The following CD86 variants were observed in gnomAD, a reference collection of about 807,000 sequenced individuals.
CD86 encodes T-lymphocyte activation antigen CD86.
CD86 carries 11 observed loss-of-function variants against 32.1 expected under a neutral mutation model. The ratio of observed to expected loss-of-function variants is 0.34; its 90% confidence interval spans 0.22 to 0.57. CD86 has a LOEUF of 0.57. Ranked by LOEUF, CD86 falls within the 20% of genes least tolerant of loss-of-function variation. The probability of loss-of-function intolerance (pLI) is 0.86; values close to 1 mark genes in which losing one functional copy is unlikely to be tolerated. For synonymous variants in CD86, 137 were observed against 135.3 expected (o/e 1.01, Z -0.09); for missense variants, 359 against 398.4 (o/e 0.90, Z 0.84).
intron 5 of CD86, among the ~76,000 whole-genome samples, chr3:122,112,649 T>C (rs2073192988): frequency 6.6e-6 from 1 of 152,242 alleles, no homozygotes; most frequent in Non-Finnish European, 1.5e-5. Flanking sequence ...ATGCTGAATT[T>C]GTAAGCAAAT....
At chr3:122,062,217 T>C (rs964848669) in intron 1 of CD86, among the ~76,000 whole-genome samples, 1 of 152,152 alleles carries the variant, frequency 6.6e-6, no homozygotes, top group Non-Finnish European at 1.5e-5. Context: ...TTGGGAGTAA[T>C]CATGCTAATA....
At chr3:122,068,509 C>T (rs2072445231) in intron 1 of CD86, among the ~76,000 whole-genome samples, 1 of 152,124 alleles carries the variant, frequency 6.6e-6, no homozygotes, top group African/African-American at 2.4e-5. Flanking sequence ...CACCCTTAGA[C>T]AAATAGGCCA....
chr3:122,096,515 T>C (rs2072910775), intron 2 of CD86, among the ~76,000 whole-genome samples: 1 of 152,208 alleles, frequency 6.6e-6, no homozygotes, highest in South Asian at 2.1e-4. Context: ...CTATCATTAA[T>C]AATGTTAAAA....
chr3:122,064,484 T>A (rs577601362), intron 1 of CD86, among the ~76,000 whole-genome samples: 1 of 151,588 alleles, frequency 6.6e-6, no homozygotes, highest in South Asian at 2.1e-4. Context: ...CAGAAGTGAG[T>A]GATGCAGGCC....
intron 1 of CD86, among the ~76,000 whole-genome samples, chr3:122,062,081 T>G (rs933268864): frequency 6.7e-5 from 10 of 148,962 alleles, no homozygotes; most frequent in African/African-American, 2.5e-4. Context: ...ATGAAAAGTT[T>G]AAAAAGTAAA....
At chr3:122,079,884 C>G (rs2072607045) in intron 1 of CD86, among the ~76,000 whole-genome samples, 1 of 152,156 alleles carries the variant, frequency 6.6e-6, no homozygotes, top group Non-Finnish European at 1.5e-5. Context: ...AGTTCCATGT[C>G]CTTTTTAGAT....
chr3:122,062,257 C>G (rs939940402), intron 1 of CD86, among the ~76,000 whole-genome samples: 1 of 152,070 alleles, frequency 6.6e-6, no homozygotes, highest in Non-Finnish European at 1.5e-5. Context: ...CTTTCGTATA[C>G]TACTGATTGT....
rs74771077 is a variant in CD86, at chr3:122,065,399, A to G, written c.14+9896A>G. 1.9e-3 allele frequency among the ~76,000 whole-genome samples: 289 copies of G among 152,364 alleles called. 5 individuals carry two copies. The East Asian group carries it at 0.053, about 28-fold the overall frequency. On this transcript the variant is annotated intron_variant, in intron 1 of 6. Coordinates refer to ENST00000330540, the MANE Select transcript of CD86 (RefSeq NM_175862.5). ...GACAGAGAGTCATCAAAACAACAAA[A>G]CAAAACAAAAACCTTAATCATAATT...
chr3:122,103,782 T>A lies in CD86; in HGVS notation c.335T>A (p.Ile112Asn). The A allele has an allele frequency of 6.2e-7, 1 of 1,614,038 alleles. No homozygotes were observed. The highest frequency in any genetic ancestry group is 8.5e-7 in the Non-Finnish European group (1 of 1,179,920). Reference sequence around the variant, plus strand: ...GACAAGGGCTTGTATCAATGTATCATCCATCACAAAAAGCCCACAGGAATG... The same window carrying A: ...GACAAGGGCTTGTATCAATGTATCAACCATCACAAAAAGCCCACAGGAATG... The part of the protein sequence containing the change: ...IKDKGLYQCI[I>N]HHKKPTGMIR... Residue 112 changes from isoleucine to asparagine, a missense_variant, in exon 3 of 7, where the codon ATC becomes AAC. Physicochemically the swap from Ile to Asn is moderately radical, Grantham distance 149. Transcript: ENST00000330540.
intron 1 of CD86, among the ~76,000 whole-genome samples, chr3:122,073,912 T>C (rs1465404654): frequency 1.3e-5 from 2 of 152,218 alleles, no homozygotes; most frequent in Non-Finnish European, 2.9e-5. Flanking sequence ...GCCTCAATCC[T>C]GCCAGTTGAA....
chr3:122,089,173 G>A (rs2107524939), intron 1 of CD86, among the ~76,000 whole-genome samples: 1 of 152,300 alleles, frequency 6.6e-6, no homozygotes, highest in South Asian at 2.1e-4. Context: ...CTGAGAGGAG[G>A]AGAGAAAGAA....
intron 1 of CD86, among the ~76,000 whole-genome samples, chr3:122,069,163 A>G (rs2072455049): frequency 6.8e-6 from 1 of 146,160 alleles, no homozygotes; most frequent in South Asian, 2.2e-4. Context: ...CCTGCATTCA[A>G]CTATGGTCTC....
chr3:122,063,708 A>G (rs988772785), intron 1 of CD86, among the ~76,000 whole-genome samples: 9 of 151,420 alleles, frequency 5.9e-5, no homozygotes, highest in African/African-American at 2.2e-4. Flanking sequence ...AGGACACGCC[A>G]CCACACCCAG....
At chr3:122,066,794 C>A (rs1015774591) in intron 1 of CD86, among the ~76,000 whole-genome samples, 2 of 152,090 alleles carry the variant, frequency 1.3e-5, no homozygotes, top group Admixed American at 1.3e-4. Context: ...GTTCCCCAAA[C>A]TTGTGGAACT....
At position 122,110,263 on chromosome 3, in the gene CD86, A is replaced by G. The variant is rs143383436; in HGVS notation, c.847+855A>G. Reference sequence around the variant, plus strand: ...TTTTGGACACTTGAGTTAGTCCAATAGTTTTGTTATTATAAACACCCTCCC... The same window carrying G: ...TTTTGGACACTTGAGTTAGTCCAATGGTTTTGTTATTATAAACACCCTCCC... On this transcript the variant is annotated intron_variant, in intron 5 of 6. Transcript: ENST00000330540. Among the ~76,000 whole-genome samples the G allele has an allele frequency of 1.8e-4, 27 of 152,314 alleles. No individual in the cohort carries two copies. The East Asian group carries it at 5.2e-3, about 29-fold the overall frequency.
rs371549784 is a variant in CD86 at position 122,119,418 on chromosome 3, C to A, written c.894-20C>A. The A allele has an allele frequency of 4.9e-6, 7 of 1,439,182 alleles. No homozygotes were observed. Among genetic ancestry groups the A allele is most frequent in the East Asian group, 2.3e-5 (1 of 43,758 alleles). The allele number at this position is 1,439,182 out of a possible 1,614,324, so 89.2% of individuals were successfully genotyped here. ...GCTCAAATGTGAAATATCACCTAAT[C>A]TTTTCTTCTATTTCTCCAGAGAAAA... On this transcript the variant is annotated intron_variant, in intron 6 of 6. Transcript: ENST00000330540.
intron 1 of CD86, among the ~76,000 whole-genome samples, chr3:122,065,255 G>T (rs915412124): frequency 6.6e-6 from 1 of 152,168 alleles, no homozygotes; most frequent in African/African-American, 2.4e-5. Context: ...TGGATGAAAA[G>T]ATTTGAGCTT....
intron 2 of CD86, among the ~76,000 whole-genome samples, chr3:122,093,481 A>C (rs1026497612): frequency 2.0e-5 from 3 of 152,198 alleles, no homozygotes; most frequent in African/African-American, 7.2e-5. Flanking sequence ...CTCCATACTT[A>C]GGCTACCTGG....
chr3:122,061,121 C>T (rs1014336262), intron 1 of CD86, among the ~76,000 whole-genome samples: 3 of 152,138 alleles, frequency 2.0e-5, no homozygotes, highest in African/African-American at 2.4e-5. Flanking sequence ...AAGGAATGAA[C>T]ATTTGGTTAA....
Sources: allele counts gnomAD v4.1 joint callset (sites outside exome capture counted in the v4.1 genomes callset), GRCh38; gene constraint gnomAD v4.1.1; transcripts MANE v1.5; gene names NCBI Gene and HGNC (gene_info 2026-07-23, HGNC 2026-07-21).